The following EPHA6 variants were observed in gnomAD, a reference collection of about 807,000 sequenced individuals.
The protein encoded by EPHA6 is ephrin type-A receptor 6.
Under a neutral mutation model 112.0 loss-of-function variants are expected in EPHA6, and 50 were observed. The ratio of observed to expected loss-of-function variants is 0.45; its 90% CI spans 0.36 to 0.56. EPHA6 has a LOEUF of 0.56. Ranked by LOEUF, EPHA6 falls within the 20% of genes least tolerant of loss-of-function variation. EPHA6 has a pLI of 0.00. For missense variants in EPHA6, 1,280 were observed against 1,417.4 expected, an observed-to-expected ratio of 0.90 and a Z score of 1.56; for synonymous variants, 529 against 490.7, an observed-to-expected ratio of 1.08 and a Z score of -1.03.
In EPHA6 at chr3:97,113,316, G is replaced by A. The variant is rs1390841847; in HGVS notation, c.1115-112948G>A. 3.9e-5 allele frequency among the ~76,000 whole-genome samples: 6 copies of A among 152,078 alleles called. No homozygotes were observed. The East Asian group carries it at 1.2e-3, about 29-fold the overall frequency. On this transcript the variant is annotated intron_variant, in intron 3 of 17. Coordinates refer to ENST00000389672, the MANE Select transcript of EPHA6 (RefSeq NM_001080448.3). ...GAATAACATCTGTGAGGGAGTAAAA[G>A]CCATGTAACTGAGCAGAGTGAGATG...
chr3:97,158,956 AG>A (rs2076351786), intron 3 of EPHA6, among the ~76,000 whole-genome samples: 1 of 152,122 alleles, frequency 6.6e-6, no homozygotes, highest in South Asian at 2.1e-4. Context: ...AGGAATTAAA[AG>A]GGGGAGGCAG....
chr3:97,439,996 A>G (rs1347496330), intron 6 of EPHA6, among the ~76,000 whole-genome samples: 1 of 152,172 alleles, frequency 6.6e-6, no homozygotes, highest in Non-Finnish European at 1.5e-5. Context: ...ACATTACTAA[A>G]TACTGACTAT....
chr3:97,003,774 A>C (rs2043765767), intron 3 of EPHA6, among the ~76,000 whole-genome samples: 1 of 148,640 alleles, frequency 6.7e-6, no homozygotes, highest in Non-Finnish European at 1.5e-5. Context: ...CCGTCCTCTA[A>C]ATTCCTTCCC....
chr3:96,909,093 T>C lies in EPHA6; in HGVS notation c.450+42204T>C, dbSNP rs553634845. Among the ~76,000 whole-genome samples the C allele has an allele frequency of 1.4e-4, 22 of 152,116 alleles. No individual in the cohort carries two copies. In the South Asian group the frequency reaches 4.6e-3, roughly 32 times the overall value. ...AGACAAATAGATCCATATGATATTT[T>C]TCATGTTAATATAACTAGTTATTTT... On this transcript the variant is annotated intron_variant, in intron 2 of 17. Transcript: ENST00000389672.
chr3:97,375,802 G>A (rs2085312614), intron 5 of EPHA6, among the ~76,000 whole-genome samples: 2 of 151,992 alleles, frequency 1.3e-5, no homozygotes, highest in African/African-American at 4.8e-5. Context: ...CAGTTTATTA[G>A]GCTGAAAGAA....
intron 2 of EPHA6, among the ~76,000 whole-genome samples, chr3:96,879,633 A>G (rs2037190910): frequency 6.6e-6 from 1 of 152,112 alleles, no homozygotes; most frequent in African/African-American, 2.4e-5. Flanking sequence ...GGTTCTTCCC[A>G]TCCATGAGCA....
chr3:97,321,899 C>T lies in EPHA6; in HGVS notation c.1606+77612C>T, dbSNP rs140010944. 1.9e-3 allele frequency among the ~76,000 whole-genome samples: 293 copies of T among 152,092 alleles called. 2 individuals carry two copies. Among genetic ancestry groups the T allele is most frequent in the African/African-American group, 6.5e-3 (269 of 41,458 alleles). The stretch of plus-strand genomic sequence containing the variant: ...CAGTGTAAAATGAAAAGGCGGAGCT[C>T]TTTATTCAAATGTTATTAAGAATGT... On this transcript the variant is annotated intron_variant, in intron 5 of 17. Coordinates refer to ENST00000389672, the MANE Select transcript of EPHA6 (RefSeq NM_001080448.3).
At chr3:97,531,381 C>T (rs2092693075) in intron 10 of EPHA6, among the ~76,000 whole-genome samples, 1 of 151,990 alleles carries the variant, frequency 6.6e-6, no homozygotes. Context: ...TGCCCTGTGT[C>T]CATGTCATTC....
chr3:97,720,492 C>A, intron 15 of EPHA6, 82 bp downstream of exon 15: 1 of 1,285,630 alleles, frequency 7.8e-7, no homozygotes, highest in Non-Finnish European at 1.1e-6. Flanking sequence ...TTTGTCCTCA[C>A]TCAGATTGGC....
At chr3:97,035,025 T>A (rs565741035) in intron 3 of EPHA6, among the ~76,000 whole-genome samples, 99 of 152,104 alleles carry the variant, frequency 6.5e-4, no homozygotes, top group East Asian at 7.7e-4. Flanking sequence ...TAAAAGTAGA[T>A]TTAAATCCTA....
chr3:97,118,301 A>T (rs1875281), intron 3 of EPHA6, among the ~76,000 whole-genome samples: 1 of 150,664 alleles, frequency 6.6e-6, no homozygotes, highest in African/African-American at 2.4e-5. Context: ...TTTTTTTCAT[A>T]CTTTTGCTCT....
chr3:97,338,256 A>G (rs959987205), intron 5 of EPHA6, among the ~76,000 whole-genome samples: 1 of 152,100 alleles, frequency 6.6e-6, no homozygotes, highest in South Asian at 2.1e-4. Flanking sequence ...GGTCATAGTC[A>G]CAGTAGGTAT....
intron 3 of EPHA6, among the ~76,000 whole-genome samples, chr3:97,150,891 A>C (rs1000989875): frequency 9.9e-4 from 151 of 152,198 alleles, no homozygotes; most frequent in African/African-American, 3.5e-3. Flanking sequence ...TCTCATGACT[A>C]CCAATTTTTT....
intron 11 of EPHA6, among the ~76,000 whole-genome samples, chr3:97,537,443 T>C (rs1282911806): frequency 6.6e-6 from 1 of 152,178 alleles, no homozygotes; most frequent in African/African-American, 2.4e-5. Context: ...TTGGTGCCAG[T>C]CCACTGGGAG....
chr3:96,879,783 G>A (rs1223184563), intron 2 of EPHA6, among the ~76,000 whole-genome samples: 1 of 152,006 alleles, frequency 6.6e-6, no homozygotes, highest in African/African-American at 2.4e-5. Flanking sequence ...AAAAGGGATT[G>A]GGTTCTTGAT....
chr3:97,042,488 C>G (rs746319269), intron 3 of EPHA6, among the ~76,000 whole-genome samples: 22 of 152,112 alleles, frequency 1.4e-4, no homozygotes, highest in Non-Finnish European at 2.9e-4. Flanking sequence ...CAAAAATGCC[C>G]TCATACAGTG....
intron 5 of EPHA6, among the ~76,000 whole-genome samples, chr3:97,261,880 T>C (rs970778873): frequency 1.3e-5 from 2 of 152,154 alleles, no homozygotes; most frequent in Non-Finnish European, 2.9e-5. Flanking sequence ...ATGTCAAGAT[T>C]ATATAGTTAA....
intron 10 of EPHA6, among the ~76,000 whole-genome samples, chr3:97,493,569 C>T (rs1050582284): frequency 4.6e-5 from 7 of 151,658 alleles, no homozygotes; most frequent in African/African-American, 1.7e-4. Flanking sequence ...CAGATGCTGT[C>T]ACATTGAGTT....
intron 3 of EPHA6, among the ~76,000 whole-genome samples, chr3:97,047,191 A>T (rs557771428): frequency 6.6e-6 from 1 of 152,082 alleles, no homozygotes; most frequent in African/African-American, 2.4e-5. Flanking sequence ...ATTTAATAAT[A>T]AATTTCTGTA....
Sources: gnomAD v4.1 joint callset for allele counts (sites outside exome capture counted in the v4.1 genomes callset) on GRCh38, gnomAD v4.1.1 for gene constraint, MANE v1.5 for transcripts, NCBI Gene and HGNC (gene_info 2026-07-23, HGNC 2026-07-21) for gene names.